The following LAMA3 variants were observed in gnomAD, a reference collection of about 807,000 sequenced individuals.
LAMA3 encodes laminin subunit alpha-3.
LAMA3 carries 281 observed loss-of-function variants against 402.0 expected under a neutral mutation model. The ratio of observed to expected loss-of-function variants is 0.70; its 90% CI spans 0.63 to 0.77. The LOEUF (loss-of-function observed/expected upper bound fraction) is 0.77. Ranked by LOEUF, LAMA3 falls within the 30% of genes least tolerant of loss-of-function variation. LAMA3 has a pLI of 0.00. For synonymous variants in LAMA3, 1,431 were observed against 1,558.4 expected, an observed-to-expected ratio of 0.92 and a Z score of 1.93; for missense variants, 3,840 against 4,215.5, an observed-to-expected ratio of 0.91 and a Z score of 2.47.
At chr18:23,908,986 A>G (rs1404904949) in intron 54 of LAMA3, among the ~76,000 whole-genome samples, 167 bp from the exon 55 acceptor site, 1 of 152,232 alleles carries the variant, frequency 6.6e-6, no homozygotes, top group African/African-American at 2.4e-5. Flanking sequence ...AACCTTGGGA[A>G]GTGAAACCAT....
At chr18:23,845,969 G>T (rs759573313) in intron 30 of LAMA3, among the ~76,000 whole-genome samples, 2 of 152,102 alleles carry the variant, frequency 1.3e-5, no homozygotes, top group Non-Finnish European at 2.9e-5. Context: ...ATACACATAG[G>T]TCGACTTTTT....
chr18:23,916,449 C>T, intron 59 of LAMA3, 102 bp from the exon 60 acceptor site: 1 of 1,360,640 alleles, frequency 7.3e-7, no homozygotes, highest in Non-Finnish European at 1.1e-6. Flanking sequence ...ATTGCATTTT[C>T]TTGGCTCCAT....
rs1220083227 is a variant in LAMA3 at position 23,839,822 on chromosome 18, A to G, written c.3229A>G (p.Thr1077Ala). The G allele has an allele frequency of 1.2e-6, 2 of 1,614,010 alleles. No homozygotes were observed. Among genetic ancestry groups the G allele is most frequent in the Non-Finnish European group, 8.5e-7 (1 of 1,179,986 alleles). The stretch of plus-strand genomic sequence containing the variant: ...CTCCTTGGCCCATGAAACTCCTCCA[A>G]CAGCATTAATTTTGGATGTTCTAAG... ...CVSLAHETPP[T>A]ALILDVLSGR... is the part of the protein sequence containing the mutation. Residue 1077 changes from threonine (T) to alanine (A), a missense_variant, in exon 27 of 75, where the codon ACA (threonine) becomes GCA (alanine). By Grantham distance (58) the Thr-to-Ala change is moderately conservative. Coordinates refer to ENST00000313654, the MANE Select transcript of LAMA3 (RefSeq NM_198129.4). This position sits in a 1 kb window ranked among gnomAD's most constrained non-coding sequence, Gnocchi z 4.5.
chr18:23,889,723 AGAAAGGAAG>A (rs1216342674), intron 41 of LAMA3, among the ~76,000 whole-genome samples: 10 of 123,192 alleles, frequency 8.1e-5, no homozygotes, highest in East Asian at 4.5e-4. Flanking sequence ...GAAGGAAGGA[AGAAAGGAAG>A]GAAAGGAAGG....
At chr18:23,797,165 A>G (rs898290703) in intron 12 of LAMA3, among the ~76,000 whole-genome samples, 1 of 152,082 alleles carries the variant, frequency 6.6e-6, no homozygotes, top group African/African-American at 2.4e-5. Context: ...TGTACCTTGC[A>G]GTTTGTTGTT....
At chr18:23,787,003 C>T (rs117742249) in intron 12 of LAMA3, among the ~76,000 whole-genome samples, 5,136 of 152,182 alleles carry the variant, frequency 0.034, 351 homozygotes, top group Admixed American at 0.17. Flanking sequence ...ATAAACAGGC[C>T]GGGGGCAGTG....
chr18:23,713,508 T>A (rs1198517979), intron 1 of LAMA3, among the ~76,000 whole-genome samples: 1 of 152,220 alleles, frequency 6.6e-6, no homozygotes, highest in Non-Finnish European at 1.5e-5. Context: ...TGGGGAGGGA[T>A]CTTTTTTGTA....
Position 23,689,561 on chromosome 18 carries a change from C to A in LAMA3, c.-123C>A. ...CGTGGAGCAAGGGGAGCGGCCCCGG[C>A]GCCGCCCATATCCCCGGCTGCGCTA... is the stretch of plus-strand genomic sequence containing the variant. On this transcript the variant is annotated 5_prime_UTR_variant, in exon 1 of 75. Coordinates refer to ENST00000313654, the MANE Select transcript of LAMA3 (RefSeq NM_198129.4). 1 of 971,524 alleles carries A rather than the reference C, an allele frequency of 1.0e-6. No individual in the cohort carries two copies. The allele number at this position is 971,524 out of a possible 1,614,324, so 60.2% of individuals were successfully genotyped here. A position where few individuals can be genotyped will look rare whatever the true frequency, so the allele number is the denominator to read the frequency against.
intron 36 of LAMA3, among the ~76,000 whole-genome samples, chr18:23,865,358 A>G (rs1398060049): frequency 6.6e-6 from 1 of 152,166 alleles, no homozygotes; most frequent in African/African-American, 2.4e-5. Context: ...GCTGGCCTCA[A>G]ACTCCTAGGC....
chr18:23,949,843 A>G lies in LAMA3; in HGVS notation c.9430A>G (p.Ser3144Gly), dbSNP rs1379478793. The change falls in exon 71 of 75, where the codon AGC becomes GGC. Residue 3144 changes from serine (S) to glycine (G), a missense_variant. Physicochemically the swap from Ser to Gly is moderately conservative, Grantham distance 56. Transcript: ENST00000313654. Reference protein sequence around the residue: ...DSKPLYTPSSSFGVSSCLGGP... With the variant: ...DSKPLYTPSSGFGVSSCLGGP... ...AAAACCCTTGTATACCCCTTCTTCA[A>G]GCTTCGGGGTGTCTTCCTGCTTGGG... 6.2e-7 allele frequency: 1 copy of G among 1,614,018 alleles called. No homozygotes were observed.
intron 1 of LAMA3, among the ~76,000 whole-genome samples, chr18:23,697,791 G>T (rs945541083): frequency 6.8e-6 from 1 of 146,310 alleles, no homozygotes; most frequent in Non-Finnish European, 1.5e-5. Context: ...CAGTTTGCTC[G>T]GACTGCCATA....
At chr18:23,931,941 C>A (rs773923122) in intron 65 of LAMA3, among the ~76,000 whole-genome samples, 1 of 152,182 alleles carries the variant, frequency 6.6e-6, no homozygotes, top group Non-Finnish European at 1.5e-5. Flanking sequence ...TCTTTCAAAA[C>A]GCCATCTTTG....
chr18:23,701,675 A>C (rs1285522958), intron 1 of LAMA3, among the ~76,000 whole-genome samples: 1 of 152,232 alleles, frequency 6.6e-6, no homozygotes, highest in Non-Finnish European at 1.5e-5. Flanking sequence ...TCCAATAAAG[A>C]GGATAATTTA....
Position 23,943,792 on chromosome 18 carries a change from C to T in LAMA3, c.9031C>T (p.Gln3011Ter). The change falls in exon 69 of 75, where the codon CAG becomes TAG. Residue 3011 changes from glutamine (Q) to a stop codon, truncating the protein, a stop_gained. Transcript: ENST00000313654. LOFTEE classifies it high-confidence loss of function. ...LPQELLKPRS[Q>*]FAVDMQTTSS... ...CATCGCCGATGTTCCCAACAGGTCA[C>T]AGTTTGCTGTGGACATGCAGACAAC... The T allele has an allele frequency of 6.2e-7, 1 of 1,613,912 alleles. No individual in the cohort carries two copies. Among genetic ancestry groups the T allele is most frequent in the South Asian group, 1.1e-5 (1 of 91,076 alleles).
intron 8 of LAMA3, among the ~76,000 whole-genome samples, chr18:23,770,871 T>G (rs2062185111): frequency 6.6e-6 from 1 of 152,184 alleles, no homozygotes; most frequent in Non-Finnish European, 1.5e-5. Context: ...GGATTGCTAT[T>G]TTTTCCTCAG....
chr18:23,889,876 ATTC>A, intron 41 of LAMA3, 132 bp from the exon 42 acceptor site: 1 of 769,228 alleles, frequency 1.3e-6, no homozygotes, highest in Admixed American at 1.7e-5. Flanking sequence ...AGAAATATTC[ATTC>A]TTGCAGATCT....
Position 23,721,050 on chromosome 18 carries a change from C to T in LAMA3, c.447+6978C>T, listed in dbSNP as rs567409912. On this transcript the variant is annotated intron_variant, in intron 2 of 74. Coordinates refer to ENST00000313654, the MANE Select transcript of LAMA3 (RefSeq NM_198129.4). ...GCACACACTTGTAGTCCTAGCAACT[C>T]AGGAGGCTAAGGTGGGAGGACTGCT... is the stretch of plus-strand genomic sequence containing the variant. Among the ~76,000 whole-genome samples the T allele has an allele frequency of 7.9e-5, 12 of 151,914 alleles. No individual in the cohort carries two copies. The South Asian group carries it at 1.7e-3, about 21-fold the overall frequency.
chr18:23,903,811 CT>C (rs1217261928), intron 49 of LAMA3, 121 bp from the exon 50 acceptor site: 1 of 828,272 alleles, frequency 1.2e-6, no homozygotes, highest in Non-Finnish European at 2.0e-6. Context: ...GGTAAATAGG[CT>C]TAGAAAATAT....
intron 40 of LAMA3, 132 bp downstream of exon 40, chr18:23,882,177 A>T: frequency 4.3e-6 from 3 of 705,164 alleles, no homozygotes; most frequent in Non-Finnish European, 7.8e-6. Flanking sequence ...TTTTGAAGGG[A>T]TGAAAACATT....
Sources: gnomAD v4.1 joint callset for allele counts (sites outside exome capture counted in the v4.1 genomes callset) on GRCh38, gnomAD v4.1.1 for gene constraint, Gnocchi (gnomAD v3.1) non-coding constraint, MANE v1.5 for transcripts, NCBI Gene and HGNC (gene_info 2026-07-23, HGNC 2026-07-21) for gene names.